Variants in CHST8 observed in about 807,000 individuals in gnomAD.
The protein encoded by CHST8 is GALNAC-4-ST1.
In CHST8, 10 loss-of-function variants were observed where a neutral mutation model predicts 15.0. The ratio of observed to expected loss-of-function variants is 0.67; its 90% CI spans 0.41 to 1.13. The LOEUF (loss-of-function observed/expected upper bound fraction) is 1.13, where lower values mean the gene tolerates loss of function less well. Among genes scored for constraint, CHST8 ranks in the 50% most tolerant of loss-of-function variants. The pLI is 0.00. For missense variants in CHST8, 634 were observed against 608.2 expected, an observed-to-expected ratio of 1.04 and a Z score of -0.45; for synonymous variants, 259 against 256.6, an observed-to-expected ratio of 1.01 and a Z score of -0.09.
intron 3 of CHST8, among the ~76,000 whole-genome samples, chr19:33,708,841 T>A (rs2145290217): frequency 6.6e-6 from 1 of 152,356 alleles, no homozygotes; most frequent in Admixed American, 6.5e-5. Flanking sequence ...TTAACAATAT[T>A]GAATCTTACA....
At chr19:33,742,748 T>A (rs1446212881) in intron 3 of CHST8, among the ~76,000 whole-genome samples, 2 of 152,168 alleles carry the variant, frequency 1.3e-5, no homozygotes, top group African/African-American at 4.8e-5. Flanking sequence ...GACTTTCTTG[T>A]TTTTTGGGAT....
At chr19:33,705,607 C>T (rs1973431243) in intron 3 of CHST8, among the ~76,000 whole-genome samples, 1 of 152,150 alleles carries the variant, frequency 6.6e-6, no homozygotes, top group Non-Finnish European at 1.5e-5. Flanking sequence ...CCTGGAGATG[C>T]GGGTGTGGGT....
intron 2 of CHST8, among the ~76,000 whole-genome samples, chr19:33,682,377 G>A (rs902257605): frequency 4.0e-5 from 6 of 151,786 alleles, no homozygotes; most frequent in Admixed American, 2.0e-4. Context: ...GTTTCACCAC[G>A]TTGGTCAGAC....
At chr19:33,728,406 G>A (rs907110787) in intron 3 of CHST8, among the ~76,000 whole-genome samples, 2 of 152,202 alleles carry the variant, frequency 1.3e-5, no homozygotes, top group African/African-American at 4.8e-5. Context: ...CTTGACCTAG[G>A]ACTACATGTC....
chr19:33,751,579 G>A (rs1396950660), intron 3 of CHST8, among the ~76,000 whole-genome samples: 5 of 152,264 alleles, frequency 3.3e-5, no homozygotes, highest in East Asian at 3.9e-4. Context: ...ATAGTGAGAC[G>A]TTCTGTGAAC....
chr19:33,624,595 G>A (rs146445347), intron 1 of CHST8, among the ~76,000 whole-genome samples: 57 of 152,256 alleles, frequency 3.7e-4, no homozygotes, highest in Middle Eastern at 3.4e-3. Flanking sequence ...CTTTTTTGCC[G>A]TATGGTTGTT....
intron 3 of CHST8, among the ~76,000 whole-genome samples, chr19:33,711,787 ACAC>A (rs1973555929): frequency 6.6e-6 from 1 of 152,074 alleles, no homozygotes; most frequent in South Asian, 2.1e-4. Context: ...GCACGCCACC[ACAC>A]CCAGCTAATT....
At chr19:33,726,675 T>A (rs1973907555) in intron 3 of CHST8, among the ~76,000 whole-genome samples, 2 of 152,112 alleles carry the variant, frequency 1.3e-5, no homozygotes, top group Non-Finnish European at 2.9e-5. Flanking sequence ...GCCACCCAAA[T>A]GTCCCACCTC....
chr19:33,661,043 C>T (rs1462513981), intron 1 of CHST8, among the ~76,000 whole-genome samples: 2 of 152,200 alleles, frequency 1.3e-5, no homozygotes, highest in Non-Finnish European at 2.9e-5. Flanking sequence ...TATGCCCCCT[C>T]TTGTCTGCGA....
chr19:33,625,472 G>A (rs546424402), intron 1 of CHST8, among the ~76,000 whole-genome samples: 3 of 152,322 alleles, frequency 2.0e-5, no homozygotes, highest in East Asian at 1.9e-4. Context: ...AGAAGGTGAC[G>A]AGTTATAAAC....
chr19:33,655,507 A>G (rs958503191), intron 1 of CHST8, among the ~76,000 whole-genome samples: 1 of 152,218 alleles, frequency 6.6e-6, no homozygotes, highest in Admixed American at 6.5e-5. Context: ...CATTTTAAAT[A>G]GCATAGAAAA....
At chr19:33,714,355 T>C (rs79345006) in intron 3 of CHST8, among the ~76,000 whole-genome samples, 2,238 of 152,252 alleles carry the variant, frequency 0.015, 54 homozygotes, top group African/African-American at 0.047. Flanking sequence ...TTTGCTGCAA[T>C]GTGGATGGAA....
intron 2 of CHST8, among the ~76,000 whole-genome samples, chr19:33,670,954 C>T (rs1362179294): frequency 6.6e-6 from 1 of 152,140 alleles, no homozygotes; most frequent in Non-Finnish European, 1.5e-5. Flanking sequence ...GTTAAGTAGC[C>T]TATGTAGCTG....
At chr19:33,702,992 A>G (rs563671361) in intron 3 of CHST8, among the ~76,000 whole-genome samples, 7 of 152,176 alleles carry the variant, frequency 4.6e-5, no homozygotes, top group Admixed American at 1.3e-4. Context: ...TCCTGTGCCT[A>G]CACCTCCCCC....
At chr19:33,710,872 G>GGTTTTT (rs397802097) in intron 3 of CHST8, among the ~76,000 whole-genome samples, 2,057 of 138,622 alleles carry the variant, frequency 0.015, 59 homozygotes, top group African/African-American at 0.052. Context: ...AATTTCTGGA[G>GGTTTTT]TTTTTTTTTT....
chr19:33,746,346 A>G (rs1376259875), intron 3 of CHST8, among the ~76,000 whole-genome samples: 2 of 151,626 alleles, frequency 1.3e-5, no homozygotes, highest in Admixed American at 1.3e-4. Flanking sequence ...GTTCCTGCTC[A>G]CTCACTCCCC....
At chr19:33,681,794 G>T (rs971142582) in intron 2 of CHST8, among the ~76,000 whole-genome samples, 1 of 152,040 alleles carries the variant, frequency 6.6e-6, no homozygotes, top group Non-Finnish European at 1.5e-5. Context: ...GGGGTGCCCT[G>T]CTCTGAGCCT....
intron 1 of CHST8, among the ~76,000 whole-genome samples, chr19:33,624,361 G>A (rs62102229): frequency 0.22 from 33,158 of 152,066 alleles, 3,884 homozygotes; most frequent in Middle Eastern, 0.36. Context: ...CATCCCCCTC[G>A]GACTGTAACC....
chr19:33,660,547 C>T (rs2145221060), intron 1 of CHST8, among the ~76,000 whole-genome samples: 1 of 152,274 alleles, frequency 6.6e-6, no homozygotes, highest in Non-Finnish European at 1.5e-5. Flanking sequence ...TGAAAGCAGT[C>T]CCGGGCTGCC....
Sources: gnomAD v4.1 joint callset for allele counts (sites outside exome capture counted in the v4.1 genomes callset) on GRCh38, gnomAD v4.1.1 for gene constraint, MANE v1.5 for transcripts, NCBI Gene and HGNC (gene_info 2026-07-23, HGNC 2026-07-21) for gene names.